The following ME3 variants were observed in gnomAD, a reference collection of about 807,000 sequenced individuals.
ME3 encodes the protein malic enzyme 3.
Under a neutral mutation model 68.9 loss-of-function variants are expected in ME3, and 48 were observed. That is an observed-to-expected ratio of 0.70 (90% confidence interval 0.55 to 0.89). ME3 has a LOEUF of 0.89. Among genes scored for constraint, ME3 ranks in the 40% least tolerant of loss-of-function variants. The pLI, the probability that ME3 is intolerant of heterozygous loss-of-function variation, is 0.00. For synonymous variants in ME3, 320 were observed against 318.8 expected (o/e 1.00, Z -0.04); for missense variants, 675 against 797.4 (o/e 0.85, Z 1.85).
intron 8 of ME3, among the ~76,000 whole-genome samples, chr11:86,463,229 G>A (rs1594057371): frequency 6.6e-6 from 1 of 152,328 alleles, no homozygotes; most frequent in East Asian, 1.9e-4. Context: ...GCTGGAGGCT[G>A]TGCACCAGGT....
intron 2 of ME3, among the ~76,000 whole-genome samples, chr11:86,578,881 C>T (rs1958275628): frequency 6.6e-6 from 1 of 152,090 alleles, no homozygotes. Context: ...GAACCACTGC[C>T]CTATGTGGTA....
intron 2 of ME3, among the ~76,000 whole-genome samples, chr11:86,618,541 C>G (rs966984946): frequency 7.9e-5 from 12 of 152,006 alleles, no homozygotes; most frequent in African/African-American, 2.2e-4. Context: ...AGCCTTGAAG[C>G]TGGTCACAAT....
chr11:86,543,921 C>T (rs1388572169), intron 4 of ME3, among the ~76,000 whole-genome samples: 2 of 150,354 alleles, frequency 1.3e-5, no homozygotes, highest in Admixed American at 6.6e-5. Flanking sequence ...CACTCCTCAG[C>T]AAATGCAAAA....
At chr11:86,652,979 A>C (rs1176171215) in intron 2 of ME3, among the ~76,000 whole-genome samples, 2 of 152,158 alleles carry the variant, frequency 1.3e-5, no homozygotes, top group African/African-American at 4.8e-5. Flanking sequence ...AAACCAACAA[A>C]AATCAAAAGA....
chr11:86,435,057 G>A, the ME3 span: 8 of 152,148 alleles, frequency 5.3e-5, no homozygotes, highest in Non-Finnish European at 7.3e-5. Flanking sequence ...CATACAAAGG[G>A]CATTGCATCC....
chr11:86,487,476 C>T, intron 6 of ME3, 36 bp from the exon 7 acceptor site: 1 of 1,542,144 alleles, frequency 6.5e-7, no homozygotes, highest in African/African-American at 1.4e-5. Flanking sequence ...GAGCCTACTC[C>T]CGGTGTTCCT....
chr11:86,544,125 G>A (rs569324865), intron 4 of ME3, among the ~76,000 whole-genome samples: 33 of 152,180 alleles, frequency 2.2e-4, no homozygotes, highest in Non-Finnish European at 3.2e-4. Context: ...AAGACACAAC[G>A]TACCAGAATC....
At chr11:86,509,398 T>TCACA (rs3045014) in intron 4 of ME3, among the ~76,000 whole-genome samples, 51 of 144,660 alleles carry the variant, frequency 3.5e-4, no homozygotes, top group Middle Eastern at 3.5e-3. Context: ...TACTCCATCA[T>TCACA]CACACACACA....
intron 4 of ME3, among the ~76,000 whole-genome samples, chr11:86,521,404 CAAACA>C (rs1226512234): frequency 1.5e-4 from 17 of 109,736 alleles, no homozygotes; most frequent in Non-Finnish European, 2.5e-4. Flanking sequence ...CAAAAACAAA[CAAACA>C]AAACAAAACA....
intron 7 of ME3, among the ~76,000 whole-genome samples, chr11:86,477,571 A>G (rs962904542): frequency 6.6e-6 from 1 of 152,162 alleles, no homozygotes; most frequent in African/African-American, 2.4e-5. Flanking sequence ...CCATAATCTA[A>G]AAGTTTCAGT....
intron 9 of ME3, 65 bp from the exon 10 acceptor site, chr11:86,450,067 G>T: frequency 7.6e-7 from 1 of 1,321,258 alleles, no homozygotes; most frequent in Non-Finnish European, 1.1e-6. Context: ...TTTATCTGAT[G>T]TCTTGCCATA....
chr11:86,467,697 A>T (rs1345829018), intron 7 of ME3, among the ~76,000 whole-genome samples: 1 of 151,280 alleles, frequency 6.6e-6, no homozygotes, highest in East Asian at 1.9e-4. Flanking sequence ...TCTCTCTCAC[A>T]CACACACACA....
At chr11:86,657,156 G>C (rs1945946328) in intron 2 of ME3, among the ~76,000 whole-genome samples, 1 of 152,162 alleles carries the variant, frequency 6.6e-6, no homozygotes, top group Non-Finnish European at 1.5e-5. Context: ...CTGCTATAAA[G>C]ACACATGCAC....
At chr11:86,535,794 T>C (rs762052227) in intron 4 of ME3, among the ~76,000 whole-genome samples, 4 of 152,212 alleles carry the variant, frequency 2.6e-5, no homozygotes, top group Non-Finnish European at 5.9e-5. Context: ...GCTCTGTCTT[T>C]AAGTAGGGAG....
At chr11:86,439,328 A>G (rs1217615800), downstream of ME3, among the ~76,000 whole-genome samples, 6 of 152,230 alleles carry the variant, frequency 3.9e-5, no homozygotes, top group Non-Finnish European at 5.9e-5. Context: ...TCAGTTCAAC[A>G]TATATAACTT....
At chr11:86,670,829 C>A (rs1409161948) in intron 2 of ME3, among the ~76,000 whole-genome samples, 1 of 152,108 alleles carries the variant, frequency 6.6e-6, no homozygotes, top group African/African-American at 2.4e-5. Context: ...ATTTCAAGTT[C>A]AGTGATTCAT....
At chr11:86,566,246 C>A (rs1957474553) in intron 2 of ME3, among the ~76,000 whole-genome samples, 1 of 152,214 alleles carries the variant, frequency 6.6e-6, no homozygotes, top group Non-Finnish European at 1.5e-5. Context: ...ATAGCTGGGG[C>A]AACTCTGGTT....
chr11:86,450,460 C>CT, intron 8 of ME3, 62 bp from the exon 9 acceptor site: 2 of 1,422,854 alleles, frequency 1.4e-6, no homozygotes, highest in Non-Finnish European at 2.0e-6. Context: ...AAGAGAAGAC[C>CT]CTTGGCAGAG....
intron 4 of ME3, among the ~76,000 whole-genome samples, chr11:86,527,614 G>T (rs147652393): frequency 6.6e-6 from 1 of 152,154 alleles, no homozygotes; most frequent in Non-Finnish European, 1.5e-5. Context: ...GAGAAAGGTT[G>T]GGTTACCCAC....
Sources: allele counts gnomAD v4.1 joint callset (sites outside exome capture counted in the v4.1 genomes callset), GRCh38; gene constraint gnomAD v4.1.1; transcripts MANE v1.5; gene names NCBI Gene and HGNC (gene_info 2026-07-23, HGNC 2026-07-21).